Variants in DCBLD2 observed in about 807,000 individuals in gnomAD.
DCBLD2 encodes the protein discoidin, CUB and LCCL domain-containing protein 2.
In DCBLD2, 54 loss-of-function variants were observed where a neutral mutation model predicts 86.8. The ratio of observed to expected loss-of-function variants is 0.62; its 90% CI spans 0.50 to 0.78. The LOEUF is 0.78. Among genes scored for constraint, DCBLD2 ranks in the 30% least tolerant of loss-of-function variants. The pLI, the probability that DCBLD2 is intolerant of heterozygous loss-of-function variation, is 0.00. For synonymous variants in DCBLD2, 354 were observed against 341.3 expected, an observed-to-expected ratio of 1.04 and a Z score of -0.41; for missense variants, 908 against 954.2, an observed-to-expected ratio of 0.95 and a Z score of 0.64.
intron 2 of DCBLD2, among the ~76,000 whole-genome samples, chr3:98,872,832 T>G (rs866005869): frequency 2.3e-4 from 35 of 152,136 alleles, no homozygotes; most frequent in African/African-American, 7.0e-4. Flanking sequence ...ACAAATATAA[T>G]ATACATAACT....
chr3:98,808,059 G>T (rs774176936), intron 13 of DCBLD2, 22 bp downstream of exon 13: 3 of 1,513,090 alleles, frequency 2.0e-6, no homozygotes, highest in Non-Finnish European at 2.7e-6. Context: ...TTTGGACTCA[G>T]GTGAACTAGT....
At position 98,797,264 on chromosome 3, in the gene DCBLD2, C is replaced by G. The variant is rs1428464683; in HGVS notation, c.*2108G>C. ...AAAATATGCATCATTTCAGAAAACA[C>G]TTGCCCCTCTTAAAAAAAAAAAAAC... is the stretch of plus-strand genomic sequence containing the variant. On this transcript the variant is annotated 3_prime_UTR_variant, in exon 16 of 16. Transcript: ENST00000326840. The G allele has an allele frequency of 1.3e-5, 2 of 149,524 alleles. No homozygotes were observed. The highest frequency in any genetic ancestry group is 1.3e-4 in the Admixed American group (2 of 15,010). The allele number at this position is 149,524 out of a possible 1,614,324, so 9.3% of individuals were successfully genotyped here.
intron 3 of DCBLD2, among the ~76,000 whole-genome samples, chr3:98,830,309 G>C (rs1942296933): frequency 6.6e-6 from 1 of 152,132 alleles, no homozygotes; most frequent in Admixed American, 6.6e-5. Flanking sequence ...TGAAATCTTT[G>C]ACAGTTCCTA....
intron 2 of DCBLD2, among the ~76,000 whole-genome samples, chr3:98,875,653 C>T (rs1425350131): frequency 6.6e-6 from 1 of 152,140 alleles, no homozygotes; most frequent in African/African-American, 2.4e-5. Context: ...TTAACACATA[C>T]CGTAAAGCCT....
chr3:98,800,565 TGCAACATAGTTACCTGCAGA>T lies in DCBLD2; in HGVS notation c.1852_1858+13del. ...CTCCCTCTGCCTGGTACCAGAAGGC[TGCAACATAGTTACCTGCAGA>T]GTCAGCCTGCAGCACTGTGGTGACT... On this transcript the variant is annotated splice_donor_variant and splice_donor_5th_base_variant and coding_sequence_variant and intron_variant, in exon 15 of 16. Transcript: ENST00000326840. LOFTEE classifies it high-confidence loss of function. 4 of 1,608,738 alleles carry T rather than the reference TGCAACATAGTTACCTGCAGA, an allele frequency of 2.5e-6. No individual in the cohort carries two copies. Among genetic ancestry groups the T allele is most frequent in the Non-Finnish European group, 3.4e-6 (4 of 1,176,940 alleles).
At chr3:98,813,483 C>T (rs1300254784) in intron 9 of DCBLD2, 1 of 152,198 alleles carries the variant, frequency 6.6e-6, no homozygotes, top group Non-Finnish European at 1.5e-5. Flanking sequence ...ATCCACCTGC[C>T]TCAGCCTCCC....
chr3:98,838,451 C>T (rs1043971056), intron 3 of DCBLD2, among the ~76,000 whole-genome samples: 17 of 139,222 alleles, frequency 1.2e-4, no homozygotes, highest in East Asian at 2.2e-4. Flanking sequence ...AGACGATGGG[C>T]GGCCGGGCAG....
At chr3:98,833,941 G>A (rs141806551) in intron 3 of DCBLD2, among the ~76,000 whole-genome samples, 1 of 152,204 alleles carries the variant, frequency 6.6e-6, no homozygotes, top group Non-Finnish European at 1.5e-5. Context: ...AGATATGGGA[G>A]TGGAGACCCA....
At chr3:98,858,026 G>A (rs753974215) in intron 2 of DCBLD2, among the ~76,000 whole-genome samples, 3 of 152,242 alleles carry the variant, frequency 2.0e-5, no homozygotes, top group Non-Finnish European at 4.4e-5. Flanking sequence ...AGCAGGGGGC[G>A]GTGCTCGTCG....
chr3:98,881,128 C>T (rs967351624), intron 2 of DCBLD2, among the ~76,000 whole-genome samples: 15 of 151,692 alleles, frequency 9.9e-5, no homozygotes, highest in East Asian at 1.9e-4. Flanking sequence ...TGGTGGCGAG[C>T]GCCTGTAATC....
At chr3:98,878,064 A>T (rs1943400466) in intron 2 of DCBLD2, among the ~76,000 whole-genome samples, 1 of 152,214 alleles carries the variant, frequency 6.6e-6, no homozygotes. Flanking sequence ...GAAATTAGAA[A>T]ATAATAATTG....
chr3:98,834,737 T>A (rs1362393708), intron 3 of DCBLD2, among the ~76,000 whole-genome samples: 2 of 152,256 alleles, frequency 1.3e-5, no homozygotes, highest in Middle Eastern at 3.4e-3. Flanking sequence ...TTAGCTATTG[T>A]GAATAGTGCT....
At chr3:98,863,142 T>C (rs1414842376) in intron 2 of DCBLD2, among the ~76,000 whole-genome samples, 1 of 151,998 alleles carries the variant, frequency 6.6e-6, no homozygotes, top group Non-Finnish European at 1.5e-5. Flanking sequence ...GAGAATAAAA[T>C]AACTAGGAAT....
chr3:98,875,195 A>G (rs1242602888), intron 2 of DCBLD2, among the ~76,000 whole-genome samples: 3 of 152,218 alleles, frequency 2.0e-5, no homozygotes, highest in Non-Finnish European at 4.4e-5. Context: ...ACTAACTGAA[A>G]TAATTTTAAA....
intron 4 of DCBLD2, among the ~76,000 whole-genome samples, chr3:98,824,080 G>T (rs944606482): frequency 2.6e-5 from 4 of 152,158 alleles, no homozygotes; most frequent in Non-Finnish European, 4.4e-5. Context: ...GTGCCAGAGA[G>T]CAAAACTAAG....
chr3:98,802,729 G>A (rs1230973369), intron 13 of DCBLD2, among the ~76,000 whole-genome samples: 2 of 152,116 alleles, frequency 1.3e-5, no homozygotes, highest in Non-Finnish European at 2.9e-5. Flanking sequence ...TTTTGTATAA[G>A]GTGTAAGGAA....
At chr3:98,841,980 G>A (rs371156451) in intron 3 of DCBLD2, among the ~76,000 whole-genome samples, 11 of 152,242 alleles carry the variant, frequency 7.2e-5, no homozygotes, top group Admixed American at 2.6e-4. Flanking sequence ...CAGGAGAATC[G>A]CTTGAACCCG....
At chr3:98,868,954 T>G (rs1209021469) in intron 2 of DCBLD2, among the ~76,000 whole-genome samples, 1 of 152,180 alleles carries the variant, frequency 6.6e-6, no homozygotes, top group Non-Finnish European at 1.5e-5. Context: ...CTTTTTGATA[T>G]AATGACATAT....
At chr3:98,853,985 T>G (rs1314261587) in intron 2 of DCBLD2, among the ~76,000 whole-genome samples, 2 of 61,892 alleles carry the variant, frequency 3.2e-5, no homozygotes, top group African/African-American at 8.2e-5. Context: ...TACGAACAGG[T>G]TTTTTTTTTC....
Sources: gnomAD v4.1 joint callset for allele counts (sites outside exome capture counted in the v4.1 genomes callset) on GRCh38, gnomAD v4.1.1 for gene constraint, MANE v1.5 for transcripts, NCBI Gene and HGNC (gene_info 2026-07-23, HGNC 2026-07-21) for gene names.